ANKS1B: variants seen among roughly 807,000 people sequenced by gnomAD.
ANKS1B encodes ankyrin repeat and sterile alpha motif domain containing 1B.
Under a neutral mutation model 148.3 loss-of-function variants are expected in ANKS1B, and 36 were observed. That is an observed-to-expected ratio of 0.24 (90% CI 0.19 to 0.32). The LOEUF (loss-of-function observed/expected upper bound fraction) is 0.32, where lower values mean the gene tolerates loss of function less well. Among genes scored for constraint, ANKS1B ranks in the 10% least tolerant of loss-of-function variants. The probability of loss-of-function intolerance (pLI) is 1.00; values close to 1 mark genes in which losing one functional copy is unlikely to be tolerated. For synonymous variants in ANKS1B, 542 were observed against 560.8 expected (o/e 0.97, Z 0.47); for missense variants, 1,157 against 1,542.6 (o/e 0.75, Z 4.19).
chr12:99,317,739 T>C (rs2154029511), intron 12 of ANKS1B, among the ~76,000 whole-genome samples: 1 of 152,338 alleles, frequency 6.6e-6, no homozygotes, highest in Non-Finnish European at 1.5e-5. Flanking sequence ...CTCTGTCTTG[T>C]GCCAGTTTTC....
intron 9 of ANKS1B, chr12:99,647,871 A>C (rs2098386699): frequency 8.2e-6 from 3 of 367,466 alleles, no homozygotes; most frequent in African/African-American, 2.0e-5. Flanking sequence ...GTCCCTCCCG[A>C]ATGAGCACTG....
At chr12:99,355,960 T>C (rs1025905271) in intron 12 of ANKS1B, among the ~76,000 whole-genome samples, 1 of 152,114 alleles carries the variant, frequency 6.6e-6, no homozygotes, top group African/African-American at 2.4e-5. Context: ...TATTAAAATT[T>C]ATAAAATCCA....
At chr12:98,861,407 C>G (rs2099598642) in intron 17 of ANKS1B, among the ~76,000 whole-genome samples, 1 of 152,160 alleles carries the variant, frequency 6.6e-6, no homozygotes, top group Non-Finnish European at 1.5e-5. Context: ...TTTAATAGAT[C>G]ACCCTTATTG....
chr12:99,761,334 T>C (rs1341627675), intron 8 of ANKS1B, among the ~76,000 whole-genome samples: 1 of 151,552 alleles, frequency 6.6e-6, no homozygotes, highest in Non-Finnish European at 1.5e-5. Flanking sequence ...CAGTAGTGCA[T>C]CAAAAACTTA....
chr12:99,574,604 C>T (rs1471140234), intron 9 of ANKS1B, among the ~76,000 whole-genome samples: 1 of 151,746 alleles, frequency 6.6e-6, no homozygotes, highest in Non-Finnish European at 1.5e-5. Context: ...GAGGTTTATC[C>T]CTGGGAATGC....
intron 17 of ANKS1B, among the ~76,000 whole-genome samples, chr12:99,040,229 C>A (rs1323169613): frequency 6.6e-6 from 1 of 151,994 alleles, no homozygotes; most frequent in Admixed American, 6.6e-5. Flanking sequence ...GAAACAGGCA[C>A]CCTCTCTGTT....
intron 14 of ANKS1B, among the ~76,000 whole-genome samples, chr12:99,185,436 G>A (rs1483472899): frequency 1.3e-5 from 2 of 152,174 alleles, no homozygotes; most frequent in African/African-American, 4.8e-5. Context: ...CAAAGAAGAT[G>A]TCATGAAGGT....
At chr12:98,919,790 G>A (rs1567786170) in intron 17 of ANKS1B, among the ~76,000 whole-genome samples, 1 of 152,172 alleles carries the variant, frequency 6.6e-6, no homozygotes, top group Non-Finnish European at 1.5e-5. Flanking sequence ...CTGTGTGGTT[G>A]GTGAAGTACT....
intron 17 of ANKS1B, among the ~76,000 whole-genome samples, chr12:99,018,334 T>C (rs2099943787): frequency 6.6e-6 from 1 of 152,038 alleles, no homozygotes; most frequent in Admixed American, 6.6e-5. Flanking sequence ...CAAGGAAGGG[T>C]CCTCCCCCAG....
intron 9 of ANKS1B, among the ~76,000 whole-genome samples, chr12:99,605,608 T>C (rs1159671283): frequency 6.6e-6 from 1 of 152,154 alleles, no homozygotes; most frequent in Non-Finnish European, 1.5e-5. Flanking sequence ...GTCTGGCTTA[T>C]TTCACATAAC....
At chr12:99,606,216 C>T (rs2153319860) in intron 9 of ANKS1B, among the ~76,000 whole-genome samples, 1 of 151,648 alleles carries the variant, frequency 6.6e-6, no homozygotes, top group South Asian at 2.1e-4. Context: ...TGTCTGGTTT[C>T]CTTATATATT....
chr12:99,626,128 C>A (rs549503430), intron 9 of ANKS1B, among the ~76,000 whole-genome samples: 96 of 152,138 alleles, frequency 6.3e-4, no homozygotes, highest in African/African-American at 2.2e-3. Flanking sequence ...AATGCTCTAA[C>A]CTGAGAAAAA....
At chr12:99,560,092 G>C (rs2097316965) in intron 9 of ANKS1B, among the ~76,000 whole-genome samples, 1 of 152,092 alleles carries the variant, frequency 6.6e-6, no homozygotes, top group African/African-American at 2.4e-5. Context: ...ATACAGCTGA[G>C]GTACACCTGG....
chr12:98,798,065 G>A (rs1037578277), intron 22 of ANKS1B, among the ~76,000 whole-genome samples: 3 of 151,942 alleles, frequency 2.0e-5, no homozygotes, highest in African/African-American at 7.3e-5. Context: ...GAGTTGCTTT[G>A]GCTAAAATAG....
chr12:99,656,019 C>T (rs111262149), intron 8 of ANKS1B, among the ~76,000 whole-genome samples: 5,986 of 152,094 alleles, frequency 0.039, 170 homozygotes, highest in Middle Eastern at 0.065. Flanking sequence ...AAGAATTATA[C>T]CCCTAGACCC....
At position 99,302,782 on chromosome 12, in the gene ANKS1B, A is replaced by G. The variant is rs138349852; in HGVS notation, c.1757-55918T>C. 4.2e-3 allele frequency among the ~76,000 whole-genome samples: 642 copies of G among 152,304 alleles called. 6 individuals are homozygous for G. Among genetic ancestry groups the G allele is most frequent in the African/African-American group, 0.015 (613 of 41,578 alleles). ...GGCTTTTCCTCTCTTATGCAAGTAT[A>G]AAGTTATGAATACAAACAAATTTAG... is the stretch of plus-strand genomic sequence containing the variant. On this transcript the variant is annotated intron_variant, in intron 12 of 26. Transcript: ENST00000683438.
chr12:99,775,528 C>G lies in ANKS1B; in HGVS notation c.961+20G>C. On this transcript the variant is annotated intron_variant, in intron 7 of 26. Coordinates refer to ENST00000683438, the MANE Select transcript of ANKS1B (RefSeq NM_001352186.2). ...TACAAGTCTAGTATAGATTCCAGGG[C>G]TTTATAATTAGGTACTCACTTTTGG... The G allele has an allele frequency of 6.5e-7, 1 of 1,545,190 alleles. No individual in the cohort carries two copies. The highest frequency in any genetic ancestry group is 8.9e-7 in the Non-Finnish European group (1 of 1,118,038).
chr12:99,718,005 G>A (rs1213857518), intron 8 of ANKS1B, among the ~76,000 whole-genome samples: 4 of 144,898 alleles, frequency 2.8e-5, no homozygotes, highest in African/African-American at 1.0e-4. Context: ...CCGGGTTCAC[G>A]CCATTCTCCT....
intron 1 of ANKS1B, among the ~76,000 whole-genome samples, chr12:99,860,500 G>A (rs2089877560): frequency 6.6e-6 from 1 of 152,206 alleles, no homozygotes; most frequent in African/African-American, 2.4e-5. Context: ...AGTCTCCCAA[G>A]AATCTTAAGT....
Sources: allele counts gnomAD v4.1 joint callset (sites outside exome capture counted in the v4.1 genomes callset), GRCh38; gene constraint gnomAD v4.1.1; transcripts MANE v1.5; gene names NCBI Gene and HGNC (gene_info 2026-07-23, HGNC 2026-07-21).